The following ABCA12 variants were observed in gnomAD, a reference collection of about 807,000 sequenced individuals.
ABCA12 encodes the protein ATP binding cassette subfamily A member 12, also known as glucosylceramide transporter ABCA12.
A neutral mutation model predicts 293.5 loss-of-function variants in ABCA12; 156 were observed. That is an observed-to-expected ratio of 0.53 (90% CI 0.47 to 0.61). The LOEUF (loss-of-function observed/expected upper bound fraction) is 0.61, where lower values mean the gene tolerates loss of function less well. ABCA12 is among the 20% of genes least tolerant of loss of function. The pLI is 0.00. For missense variants in ABCA12, 2,797 were observed against 3,090.2 expected, an observed-to-expected ratio of 0.91 and a Z score of 2.25; for synonymous variants, 1,063 against 1,108.0, an observed-to-expected ratio of 0.96 and a Z score of 0.81.
Position 215,106,154 on chromosome 2 carries a change from A to T in ABCA12, c.163+5443T>A, listed in dbSNP as rs557229344. Among the ~76,000 whole-genome samples the T allele has an allele frequency of 4.9e-4, 75 of 152,286 alleles. 2 individuals carry two copies. The South Asian group carries it at 0.015, about 30-fold the overall frequency. ...ACACCTCACTCCTCTGACTTTCACA[A>T]CCCTCATCAGTGAGATGCCCCAGAG... On this transcript the variant is annotated intron_variant, in intron 2 of 52. Transcript: ENST00000272895.
At chr2:215,092,567 T>C (rs536493573) in intron 2 of ABCA12, among the ~76,000 whole-genome samples, 1 of 152,204 alleles carries the variant, frequency 6.6e-6, no homozygotes, top group African/African-American at 2.4e-5. Context: ...CCCCACTCAA[T>C]GCTAATACCC....
intron 49 of ABCA12, 134 bp downstream of exon 49, chr2:214,944,867 A>G (rs2105920065): frequency 3.4e-6 from 2 of 585,080 alleles, no homozygotes; most frequent in Non-Finnish European, 6.0e-6. Flanking sequence ...TATATTTTGT[A>G]TGTGTGTATA....
intron 1 of ABCA12, among the ~76,000 whole-genome samples, chr2:215,116,303 C>T (rs1371162100): frequency 6.6e-6 from 1 of 152,128 alleles, no homozygotes; most frequent in Non-Finnish European, 1.5e-5. Flanking sequence ...CAACTGAGTT[C>T]TAGGTGTGAT....
At chr2:214,954,261 A>G (rs1698872050) in intron 43 of ABCA12, among the ~76,000 whole-genome samples, 154 bp from the exon 44 acceptor site, 1 of 152,204 alleles carries the variant, frequency 6.6e-6, no homozygotes, top group Non-Finnish European at 1.5e-5. Flanking sequence ...GCATACAAAT[A>G]TTTAGTATAC....
rs755159086 is a variant in ABCA12 at position 214,978,986 on chromosome 2, T to A, written c.4795A>T (p.Ile1599Phe). 3 of 1,614,126 alleles carry A rather than the reference T, an allele frequency of 1.9e-6. No homozygotes were observed. Among genetic ancestry groups the A allele is most frequent in the South Asian group, 2.2e-5 (2 of 91,084 alleles). ...VCDTMAVTAM[I>F]QSHLPEAYLK... is the part of the protein sequence containing the mutation. The stretch of plus-strand genomic sequence containing the variant: ...TAGGCTTCGGGGAGATGTGATTGGA[T>A]CATTGCTGTCACGGCCATGGTGTCA... The change falls in exon 32 of 53, where the codon ATC (isoleucine) becomes TTC (phenylalanine). Residue 1599 changes from isoleucine (I) to phenylalanine (F), a missense_variant. Physicochemically the swap from Ile to Phe is conservative, Grantham distance 21. Transcript: ENST00000272895.
At chr2:215,021,720 T>C (rs1383800793) in intron 11 of ABCA12, among the ~76,000 whole-genome samples, 1 of 152,218 alleles carries the variant, frequency 6.6e-6, no homozygotes, top group Non-Finnish European at 1.5e-5. Flanking sequence ...TGGGAATATT[T>C]ATTTCTATAT....
At chr2:215,037,797 C>T (rs1312604202) in intron 7 of ABCA12, among the ~76,000 whole-genome samples, 1 of 152,086 alleles carries the variant, frequency 6.6e-6, no homozygotes, top group Non-Finnish European at 1.5e-5. Flanking sequence ...GCCATTAGTG[C>T]ATTTTAAAGA....
chr2:214,979,891 A>T (rs925732243), intron 31 of ABCA12, among the ~76,000 whole-genome samples: 1 of 152,324 alleles, frequency 6.6e-6, no homozygotes, highest in Non-Finnish European at 1.5e-5. Flanking sequence ...TACATCTTGC[A>T]CAGTATTTTT....
intron 2 of ABCA12, among the ~76,000 whole-genome samples, chr2:215,107,529 G>A (rs1426548994): frequency 6.6e-6 from 1 of 152,176 alleles, no homozygotes; most frequent in Non-Finnish European, 1.5e-5. Context: ...AGTTACCTAA[G>A]CCATTTGTTG....
chr2:215,021,726 T>G lies in ABCA12; in HGVS notation c.1288-1930A>C, dbSNP rs545726300. On this transcript the variant is annotated intron_variant, in intron 11 of 52. Coordinates refer to ENST00000272895, the MANE Select transcript of ABCA12 (RefSeq NM_173076.3). ...GCAAATGTTTGGGAATATTTATTTC[T>G]ATATTATCAAATAAGAAAGGCACAA... Among the ~76,000 whole-genome samples, 183 of 152,356 alleles carry G rather than the reference T, an allele frequency of 1.2e-3. 1 individual carries two copies. Among genetic ancestry groups the G allele is most frequent in the Middle Eastern group, 3.4e-3 (1 of 294 alleles).
chr2:214,991,655 T>A (rs1699914844), intron 23 of ABCA12, among the ~76,000 whole-genome samples: 2 of 152,186 alleles, frequency 1.3e-5, no homozygotes. Context: ...ATATTTGTCA[T>A]CCTTGTTTTC....
chr2:215,089,161 T>A (rs1216727185), intron 2 of ABCA12, among the ~76,000 whole-genome samples: 1 of 152,044 alleles, frequency 6.6e-6, no homozygotes, highest in Non-Finnish European at 1.5e-5. Context: ...CCACTTTTTG[T>A]TGAATTAGTT....
At position 214,991,015 on chromosome 2, in the gene ABCA12, C is replaced by A; in HGVS notation, c.3311G>T (p.Gly1104Val). The stretch of plus-strand genomic sequence containing the variant: ...AAAGAAATGGCTGCAGGAGTTCACA[C>A]CCATCATCTTCATGTACTGTAAGAA... Reference protein sequence around the residue: ...LRLHEYMKMMGVNSCSHFFAW... With the variant: ...LRLHEYMKMMVVNSCSHFFAW... The change falls in exon 24 of 53, where the codon GGT becomes GTT. Residue 1104 changes from glycine (G) to valine (V), a missense_variant. Gly to Val is a moderately radical substitution (Grantham distance 109). Transcript: ENST00000272895. The A allele has an allele frequency of 1.9e-6, 3 of 1,613,900 alleles. No homozygotes were observed. Among genetic ancestry groups the A allele is most frequent in the Non-Finnish European group, 2.5e-6 (3 of 1,179,968 alleles).
chr2:215,038,888 A>G (rs1701042145), intron 7 of ABCA12: 2 of 152,352 alleles, frequency 1.3e-5, no homozygotes, highest in African/African-American at 2.4e-5. Flanking sequence ...CTGGGCTTCC[A>G]TCTTCTCTGA....
chr2:215,004,283 G>A lies in ABCA12; in HGVS notation c.2609C>T (p.Pro870Leu). The A allele has an allele frequency of 6.2e-7, 1 of 1,612,672 alleles. No individual in the cohort carries two copies. ...GAACTTTACAAAAACTTGCACAAAAGGGTTCCTTAGAGTATTCTAACAAAT... is the reference window on the plus strand; with the variant it reads ...GAACTTTACAAAAACTTGCACAAAAAGGTTCCTTAGAGTATTCTAACAAAT... ...IPMLQNTLRN[P>L]FVQVFVKFSV... Residue 870 changes from proline (P) to leucine (L), a missense_variant, in exon 20 of 53, where the codon CCT becomes CTT. Pro to Leu is a moderately conservative substitution (Grantham distance 98). This residue lies in a region of ABCA12 where 2,130 missense variants were observed against 2,427.0 expected (regional missense o/e 0.88). Transcript: ENST00000272895.
chr2:214,942,461 G>A (rs1382163372), intron 50 of ABCA12, among the ~76,000 whole-genome samples: 4 of 152,240 alleles, frequency 2.6e-5, no homozygotes, highest in South Asian at 4.1e-4. Flanking sequence ...TTTCTCCAAT[G>A]TATTCTTGAT....
Position 214,989,389 on chromosome 2 carries a change from T to C in ABCA12, c.3769A>G (p.Ile1257Val). Residue 1257 changes from isoleucine to valine, a missense_variant, in exon 26 of 53, where the codon ATC (isoleucine) becomes GTC (valine). By Grantham distance (29) the Ile-to-Val change is conservative (BLOSUM62 3). Around this residue, in one of 3 missense-constraint regions of ABCA12, gnomAD observed 2,130 missense variants for 2,427.0 expected, o/e 0.88. Coordinates refer to ENST00000272895, the MANE Select transcript of ABCA12 (RefSeq NM_173076.3). ...AAATAAATGAAAGAGTCAGCTAGGA[T>C]TAGACAGCACAGCCAGCCAAATGAG... is the stretch of plus-strand genomic sequence containing the variant. ...TTSFGWLCCL[I>V]LADSFIYFLI... The C allele has an allele frequency of 1.2e-6, 2 of 1,613,470 alleles. No homozygotes were observed. Among genetic ancestry groups the C allele is most frequent in the Non-Finnish European group, 1.7e-6 (2 of 1,179,890 alleles).
Position 214,973,896 on chromosome 2 carries a change from C to T in ABCA12, c.5562+53G>A, listed in dbSNP as rs934259415. ...AACCTAGAGAGATCTTTCGAGCTTT[C>T]GATATTTATTCCCGTATTTTTCCCA... On this transcript the variant is annotated intron_variant, in intron 36 of 52. Coordinates refer to ENST00000272895, the MANE Select transcript of ABCA12 (RefSeq NM_173076.3). 121 of 1,453,486 alleles carry T rather than the reference C, an allele frequency of 8.3e-5. 2 individuals carry two copies. Among genetic ancestry groups the T allele is most frequent in the South Asian group, 6.8e-4 (60 of 87,968 alleles). 90.0% of individuals were successfully genotyped at this position (1,453,486 alleles called of 1,614,324 possible). A position where few individuals can be genotyped will look rare whatever the true frequency, so the allele number is the denominator to read the frequency against.
intron 39 of ABCA12, among the ~76,000 whole-genome samples, chr2:214,964,912 T>C (rs538312411): frequency 1.3e-4 from 20 of 152,218 alleles, no homozygotes; most frequent in African/African-American, 4.6e-4. Context: ...AGAGATGGAA[T>C]AGCTAAGACA....
Sources: gnomAD v4.1 joint callset for allele counts (sites outside exome capture counted in the v4.1 genomes callset) on GRCh38, gnomAD v4.1.1 for gene constraint, gnomAD v4.1.1 regional missense constraint, MANE v1.5 for transcripts, NCBI Gene and HGNC (gene_info 2026-07-23, HGNC 2026-07-21) for gene names.